Variants in MORC3 observed in about 807,000 individuals in gnomAD.
The protein encoded by MORC3 is MORC family CW-type zinc finger 3.
In MORC3, 31 loss-of-function variants were observed where a neutral mutation model predicts 109.1. The observed-to-expected ratio is 0.28, with a 90% CI of 0.21 to 0.38. The LOEUF is 0.38. Ranked by LOEUF, MORC3 falls within the 10% of genes least tolerant of loss-of-function variation. The pLI is 1.00. For missense variants in MORC3, 867 were observed against 1,135.8 expected, an observed-to-expected ratio of 0.76 and a Z score of 3.40; for synonymous variants, 395 against 380.7, an observed-to-expected ratio of 1.04 and a Z score of -0.44.
At chr21:36,335,310 ATTTTTTT>A (rs144473276) in intron 2 of MORC3, among the ~76,000 whole-genome samples, 1 of 116,714 alleles carries the variant, frequency 8.6e-6, no homozygotes, top group Non-Finnish European at 1.7e-5. Context: ...AAAAGAAGGA[ATTTTTTT>A]TTTTTTTTTT....
chr21:36,320,931 T>G (rs1451250073), intron 1 of MORC3, among the ~76,000 whole-genome samples: 1 of 152,180 alleles, frequency 6.6e-6, no homozygotes, highest in Admixed American at 6.5e-5. Context: ...GAACATTTCT[T>G]GTATCTTAAA....
chr21:36,362,096 GT>G lies in MORC3; in HGVS notation c.1407-86del, dbSNP rs2085723624. 6.7e-6 allele frequency: 9 copies of G among 1,334,486 alleles called. No homozygotes were observed. The South Asian group carries it at 1.1e-4, about 16-fold the overall frequency. The allele number at this position is 1,334,486 out of a possible 1,614,324, so 82.7% of individuals were successfully genotyped here. A position where few individuals can be genotyped will look rare whatever the true frequency, so the allele number is the denominator to read the frequency against. On this transcript the variant is annotated intron_variant, in intron 12 of 16. Transcript: ENST00000400485. The stretch of plus-strand genomic sequence containing the variant: ...TATTGAAATAGAAGCAGAGTTCAGA[GT>G]ACCTTAGTAACTGCATAAATGGCAG...
Position 36,356,739 on chromosome 21 carries a change from A to G in MORC3, c.1208+15A>G. 4 of 1,432,250 alleles carry G rather than the reference A, an allele frequency of 2.8e-6. No individual in the cohort carries two copies. The East Asian group carries it at 7.0e-5, about 25-fold the overall frequency. 88.7% of individuals were successfully genotyped at this position (1,432,250 alleles called of 1,614,324 possible). A position where few individuals can be genotyped will look rare whatever the true frequency, so the allele number is the denominator to read the frequency against. On this transcript the variant is annotated intron_variant, in intron 10 of 16. Transcript: ENST00000400485. ...GAAGATATACAGTAAGTACATTTTT[A>G]AAACATATCATTTCACTTAGATATC...
At chr21:36,340,727 A>T (rs1409039529) in intron 5 of MORC3, among the ~76,000 whole-genome samples, 1 of 142,392 alleles carries the variant, frequency 7.0e-6, no homozygotes, top group Non-Finnish European at 1.5e-5. Context: ...ACCTCCGCCC[A>T]CCGGGTTCAA....
intron 1 of MORC3, among the ~76,000 whole-genome samples, chr21:36,326,489 A>G (rs768176007): frequency 2.0e-5 from 3 of 152,196 alleles, no homozygotes; most frequent in Non-Finnish European, 4.4e-5. Context: ...ACCGCACTCC[A>G]GCCTGGACAA....
At chr21:36,322,712 GA>G (rs1435661442) in intron 1 of MORC3, among the ~76,000 whole-genome samples, 2 of 152,144 alleles carry the variant, frequency 1.3e-5, no homozygotes. Flanking sequence ...GGAGGTCGGA[GA>G]TCCCAGGATG....
chr21:36,364,068 A>C, intron 13 of MORC3, 25 bp from the exon 14 acceptor site: 1 of 1,607,028 alleles, frequency 6.2e-7, no homozygotes, highest in Non-Finnish European at 8.5e-7. Context: ...AGTTCCTTTA[A>C]GGTGATGATT....
chr21:36,352,055 T>A (rs1452220255), intron 9 of MORC3, among the ~76,000 whole-genome samples: 2 of 152,138 alleles, frequency 1.3e-5, no homozygotes, highest in African/African-American at 4.8e-5. Flanking sequence ...GCTAAAAGAA[T>A]AATAACATTA....
chr21:36,342,904 A>G (rs2085466353), intron 6 of MORC3, among the ~76,000 whole-genome samples: 1 of 151,592 alleles, frequency 6.6e-6, no homozygotes, highest in Non-Finnish European at 1.5e-5. Context: ...CTGTGATCCC[A>G]GCGGCTTGGG....
chr21:36,369,039 G>A lies in MORC3; in HGVS notation c.1671G>A (p.Arg557=). 1 of 1,613,740 alleles carries A rather than the reference G, an allele frequency of 6.2e-7. No individual in the cohort carries two copies. The highest frequency in any genetic ancestry group is 1.1e-5 in the South Asian group (1 of 91,030). The change falls in exon 15 of 17, where the codon CGG becomes CGA. Residue 557 remains arginine (R), a synonymous_variant. Coordinates refer to ENST00000400485, the MANE Select transcript of MORC3 (RefSeq NM_015358.3). ...TRSSILNAKN[R]RLSSQFENSV... is the part of the protein sequence containing the mutation. The stretch of plus-strand genomic sequence containing the variant: ...CCTCAATTTTGAATGCAAAGAATCG[G>A]AGATTGAGTAGTCAGTTTGAAAATT...
intron 1 of MORC3, among the ~76,000 whole-genome samples, chr21:36,325,333 G>A (rs117802633): frequency 0.027 from 4,050 of 152,300 alleles, 72 homozygotes; most frequent in Admixed American, 0.047. Context: ...GGAATTCTAC[G>A]TCTGGTCTCC....
At chr21:36,346,478 G>T (rs1346537992) in intron 8 of MORC3, among the ~76,000 whole-genome samples, 1 of 152,106 alleles carries the variant, frequency 6.6e-6, no homozygotes. Flanking sequence ...GATTGCTTGA[G>T]GCCAGTGCTT....
At chr21:36,374,149 G>A (rs931946231) in intron 16 of MORC3, among the ~76,000 whole-genome samples, 5 of 152,086 alleles carry the variant, frequency 3.3e-5, no homozygotes, top group African/African-American at 1.2e-4. Context: ...GAGTACAGTT[G>A]CATAATCTCG....
chr21:36,358,333 C>T (rs542790280), intron 10 of MORC3, among the ~76,000 whole-genome samples: 4 of 151,806 alleles, frequency 2.6e-5, no homozygotes, highest in Admixed American at 2.0e-4. Flanking sequence ...TGCAATGAAC[C>T]GAGATTGCAC....
In MORC3 at chr21:36,376,365, GT is replaced by G. The variant is rs1227766851; in HGVS notation, c.*1073del. 6.6e-6 allele frequency: 1 copy of G among 152,542 alleles called. No homozygotes were observed. Among genetic ancestry groups the G allele is most frequent in the Non-Finnish European group, 1.5e-5 (1 of 68,014 alleles). 9.4% of individuals were successfully genotyped at this position (152,542 alleles called of 1,614,324 possible). A position where few individuals can be genotyped will look rare whatever the true frequency, so the allele number is the denominator to read the frequency against. On this transcript the variant is annotated 3_prime_UTR_variant, in exon 17 of 17. Coordinates refer to ENST00000400485, the MANE Select transcript of MORC3 (RefSeq NM_015358.3). ...TAAAATGTGCATTATTTTTTCCAAA[GT>G]TTTATCATTGCTATTTATTTTTACC...
chr21:36,352,467 T>G (rs2085583837), intron 9 of MORC3, among the ~76,000 whole-genome samples: 1 of 152,112 alleles, frequency 6.6e-6, no homozygotes, highest in African/African-American at 2.4e-5. Context: ...TCTGAAATCT[T>G]TGAGACCGGA....
At chr21:36,346,642 G>T (rs1465393561) in intron 8 of MORC3, among the ~76,000 whole-genome samples, 1 of 151,536 alleles carries the variant, frequency 6.6e-6, no homozygotes, top group East Asian at 1.9e-4. Context: ...AACCCTGTCT[G>T]TACAAAAAAA....
chr21:36,334,564 A>T (rs1480133983), intron 2 of MORC3, among the ~76,000 whole-genome samples: 6 of 152,180 alleles, frequency 3.9e-5, no homozygotes, highest in Non-Finnish European at 8.8e-5. Context: ...CCTCAGGAGT[A>T]TCTGGGATGA....
At chr21:36,334,204 G>A (rs986543961) in intron 2 of MORC3, among the ~76,000 whole-genome samples, 9 of 152,050 alleles carry the variant, frequency 5.9e-5, no homozygotes, top group Non-Finnish European at 1.2e-4. Context: ...GCAATGAGCC[G>A]TGATTGTGCC....
Sources: allele counts gnomAD v4.1 joint callset (sites outside exome capture counted in the v4.1 genomes callset), GRCh38; gene constraint gnomAD v4.1.1; transcripts MANE v1.5; gene names NCBI Gene and HGNC (gene_info 2026-07-23, HGNC 2026-07-21).